Variants in RBFOX1 observed in about 807,000 individuals in gnomAD.
RBFOX1 encodes RNA binding fox-1 homolog 1, also known as RNA binding protein fox-1 homolog 1.
A neutral mutation model predicts 57.7 loss-of-function variants in RBFOX1; 8 were observed. That is an observed-to-expected ratio of 0.14 (90% confidence interval 0.08 to 0.25). The LOEUF (loss-of-function observed/expected upper bound fraction) is 0.25, where lower values mean the gene tolerates loss of function less well. Among genes scored for constraint, RBFOX1 ranks in the 10% least tolerant of loss-of-function variants. RBFOX1 has a pLI of 1.00. For synonymous variants in RBFOX1, 326 were observed against 222.4 expected, an observed-to-expected ratio of 1.47 and a Z score of -4.15; for missense variants, 611 against 548.5, an observed-to-expected ratio of 1.11 and a Z score of -1.14.
At chr16:7,499,282 C>T (rs1600094314) in intron 4 of RBFOX1, among the ~76,000 whole-genome samples, 1 of 152,278 alleles carries the variant, frequency 6.6e-6, no homozygotes, top group African/African-American at 2.4e-5. Context: ...ACCCATTCAT[C>T]TTCAGATGGT....
At chr16:5,324,714 C>A (rs1016360434) in intron 1 of RBFOX1, among the ~76,000 whole-genome samples, 11 of 152,080 alleles carry the variant, frequency 7.2e-5, no homozygotes, top group Admixed American at 2.0e-4. Context: ...GAATAGAAAA[C>A]CAAATACCAC....
At chr16:7,380,910 C>T (rs552682167) in intron 4 of RBFOX1, among the ~76,000 whole-genome samples, 14 of 152,210 alleles carry the variant, frequency 9.2e-5, no homozygotes, top group East Asian at 1.9e-4. Context: ...AAATGTCCTC[C>T]GTAAAGTGTA....
intron 3 of RBFOX1, among the ~76,000 whole-genome samples, chr16:6,751,839 G>C (rs1401328324): frequency 1.3e-5 from 2 of 152,150 alleles, no homozygotes; most frequent in Non-Finnish European, 2.9e-5. Flanking sequence ...TCTCTGACCA[G>C]CTACAATCTT....
In RBFOX1 at chr16:6,856,517, T is replaced by C. The variant is rs556128269; in HGVS notation, c.-15-195540T>C. 3.9e-5 allele frequency among the ~76,000 whole-genome samples: 6 copies of C among 152,128 alleles called. No homozygotes were observed. The South Asian group carries it at 6.2e-4, about 16-fold the overall frequency. On this transcript the variant is annotated intron_variant, in intron 3 of 15. Coordinates refer to ENST00000550418, the MANE Select transcript of RBFOX1 (RefSeq NM_018723.4). ...TTGCCCTCTAGAAATATCAAATTGG[T>C]AAGAAAGGAAAATGCTCCCTCATGA...
At chr16:5,630,429 C>T (rs2048470694) in intron 3 of RBFOX1, among the ~76,000 whole-genome samples, 1 of 151,924 alleles carries the variant, frequency 6.6e-6, no homozygotes, top group African/African-American at 2.4e-5. Flanking sequence ...TGCACTCCAG[C>T]CTGGGTGACA....
chr16:5,262,473 A>G (rs1051055480), intron 1 of RBFOX1, among the ~76,000 whole-genome samples: 12 of 152,210 alleles, frequency 7.9e-5, no homozygotes, highest in African/African-American at 2.9e-4. Context: ...TGGGACATCA[A>G]TCTTCTCCTG....
At chr16:6,659,065 C>T (rs1343995636) in intron 3 of RBFOX1, among the ~76,000 whole-genome samples, 1 of 151,828 alleles carries the variant, frequency 6.6e-6, no homozygotes, top group East Asian at 1.9e-4. Context: ...ATGCGTTTGA[C>T]ATTTACAGTA....
chr16:6,907,530 G>A (rs1197098678), intron 3 of RBFOX1, among the ~76,000 whole-genome samples: 1 of 152,022 alleles, frequency 6.6e-6, no homozygotes, highest in Admixed American at 6.6e-5. Flanking sequence ...AGAGAGAATC[G>A]GTCCTATGCC....
At chr16:7,070,767 A>G (rs2153776140) in intron 4 of RBFOX1, among the ~76,000 whole-genome samples, 1 of 152,268 alleles carries the variant, frequency 6.6e-6, no homozygotes, top group South Asian at 2.1e-4. Flanking sequence ...AAACTGAAGA[A>G]TTGAGGTTTA....
intron 4 of RBFOX1, among the ~76,000 whole-genome samples, chr16:7,431,608 C>T (rs748360468): frequency 3.3e-5 from 5 of 152,164 alleles, no homozygotes; most frequent in African/African-American, 4.8e-5. Context: ...AATGTGTCAT[C>T]GGTGATATTT....
At chr16:7,451,219 C>A (rs533655411) in intron 4 of RBFOX1, among the ~76,000 whole-genome samples, 1 of 152,238 alleles carries the variant, frequency 6.6e-6, no homozygotes, top group South Asian at 2.1e-4. Context: ...TTGGATGGGA[C>A]CTGATATAAT....
intron 3 of RBFOX1, among the ~76,000 whole-genome samples, chr16:5,789,339 T>C (rs2054612317): frequency 6.6e-6 from 1 of 152,144 alleles, no homozygotes. Flanking sequence ...TGACAGTAAA[T>C]GCTTCTGAGA....
At chr16:5,591,074 C>A (rs1324248618) in intron 2 of RBFOX1, among the ~76,000 whole-genome samples, 1 of 151,276 alleles carries the variant, frequency 6.6e-6, no homozygotes, top group Non-Finnish European at 1.5e-5. Context: ...AGGGTTCTTG[C>A]CAATGTTGTC....
At chr16:5,548,201 A>ATATATATATATATATATATATT in intron 2 of RBFOX1, among the ~76,000 whole-genome samples, 2 of 137,774 alleles carry the variant, frequency 1.5e-5, no homozygotes, top group Non-Finnish European at 3.1e-5. Context: ...ATATATATAT[A>ATATATATATATATATATATATT]TATAGACATT....
At chr16:6,756,210 A>G (rs1462093507) in intron 3 of RBFOX1, among the ~76,000 whole-genome samples, 2 of 152,194 alleles carry the variant, frequency 1.3e-5, no homozygotes, top group African/African-American at 4.8e-5. Flanking sequence ...TAAAAATTAT[A>G]TGGATTGGGG....
chr16:6,843,423 TTA>T (rs768176050), intron 3 of RBFOX1, among the ~76,000 whole-genome samples: 2,027 of 152,246 alleles, frequency 0.013, 25 homozygotes, highest in Non-Finnish European at 0.021. Flanking sequence ...ACATGGTGGC[TTA>T]CACCTGTAAT....
chr16:7,218,153 C>G (rs190322799), intron 4 of RBFOX1, among the ~76,000 whole-genome samples: 62 of 152,210 alleles, frequency 4.1e-4, no homozygotes, highest in Admixed American at 1.7e-3. Context: ...ACCTTGCTGA[C>G]TCTTTCTAAC....
chr16:5,679,049 A>G (rs1002041087), intron 3 of RBFOX1, among the ~76,000 whole-genome samples: 55 of 152,350 alleles, frequency 3.6e-4, no homozygotes, highest in African/African-American at 1.1e-3. Context: ...TTAGCAGTTA[A>G]TCACTTTTAT....
At chr16:5,850,400 C>T (rs2056865748) in intron 3 of RBFOX1, among the ~76,000 whole-genome samples, 2 of 152,150 alleles carry the variant, frequency 1.3e-5, no homozygotes, top group South Asian at 2.1e-4. Context: ...TAACTCCATT[C>T]TTTGGAATTA....
Sources: allele counts gnomAD v4.1 joint callset (sites outside exome capture counted in the v4.1 genomes callset), GRCh38; gene constraint gnomAD v4.1.1; transcripts MANE v1.5; gene names NCBI Gene and HGNC (gene_info 2026-07-23, HGNC 2026-07-21).